Variants in RHOJ observed in about 807,000 individuals in gnomAD.
RHOJ encodes the protein rho-related GTP-binding protein RhoJ.
Under a neutral mutation model 23.4 loss-of-function variants are expected in RHOJ, and 11 were observed. The ratio of observed to expected loss-of-function variants is 0.47; its 90% CI spans 0.30 to 0.78. The LOEUF (loss-of-function observed/expected upper bound fraction) is 0.78. Among genes scored for constraint, RHOJ ranks in the 30% least tolerant of loss-of-function variants. RHOJ has a pLI of 0.08. For synonymous variants in RHOJ, 102 were observed against 102.7 expected (o/e 0.99, Z 0.04); for missense variants, 254 against 273.4 (o/e 0.93, Z 0.50).
chr14:63,250,199 C>G (rs1361346941), intron 1 of RHOJ, among the ~76,000 whole-genome samples: 3 of 152,108 alleles, frequency 2.0e-5, no homozygotes, highest in Non-Finnish European at 4.4e-5. Context: ...TCTGCTTACT[C>G]CCCTCATTCA....
At chr14:63,281,212 A>G (rs1881889715) in intron 3 of RHOJ, 77 bp downstream of exon 3, 2 of 1,393,184 alleles carry the variant, frequency 1.4e-6, no homozygotes, top group Non-Finnish European at 9.8e-7. Context: ...TGAACATCCT[A>G]TTCTGCCAAA....
chr14:63,291,142 C>T lies in RHOJ; in HGVS notation c.*118C>T. On this transcript the variant is annotated 3_prime_UTR_variant, in exon 5 of 5. Coordinates refer to ENST00000316754, the MANE Select transcript of RHOJ (RefSeq NM_020663.5). The stretch of plus-strand genomic sequence containing the variant: ...GAAAGGAACTCCCTTTGCACGGAGG[C>T]TTGCCCCATCACCCTCTGAGCCCTC... 1.7e-6 allele frequency: 2 copies of T among 1,176,788 alleles called. No homozygotes were observed. Among genetic ancestry groups the T allele is most frequent in the Non-Finnish European group, 2.5e-6 (2 of 805,224 alleles). The allele number at this position is 1,176,788 out of a possible 1,614,324, so 72.9% of individuals were successfully genotyped here.
At chr14:63,233,151 G>GA (rs1001748986) in intron 1 of RHOJ, among the ~76,000 whole-genome samples, 2 of 151,704 alleles carry the variant, frequency 1.3e-5, no homozygotes, top group Non-Finnish European at 2.9e-5. Context: ...GCTTGGGAAT[G>GA]AAAAAAAAGA....
At chr14:63,264,069 G>A (rs1011088356) in intron 1 of RHOJ, among the ~76,000 whole-genome samples, 1 of 151,982 alleles carries the variant, frequency 6.6e-6, no homozygotes, top group Non-Finnish European at 1.5e-5. Context: ...ATGACACTGA[G>A]GTTTGGGGTG....
Position 63,290,860 on chromosome 14 carries a change from C to G in RHOJ, c.499-18C>G. ...TCTCTTTTTTATCTCTCATGCCTTT[C>G]TCTCTTTTGTGTTTAAGATCGGAGC... On this transcript the variant is annotated intron_variant, in intron 4 of 4. Transcript: ENST00000316754. 1 of 1,594,990 alleles carries G rather than the reference C, an allele frequency of 6.3e-7. No individual in the cohort carries two copies. Among genetic ancestry groups the G allele is most frequent in the African/African-American group, 1.3e-5 (1 of 74,124 alleles).
intron 1 of RHOJ, among the ~76,000 whole-genome samples, chr14:63,226,568 A>G (rs549422662): frequency 6.6e-6 from 1 of 150,436 alleles, no homozygotes; most frequent in Non-Finnish European, 1.5e-5. Flanking sequence ...AAATATGAAT[A>G]TAATACATAA....
At chr14:63,242,700 A>G (rs1263969199) in intron 1 of RHOJ, among the ~76,000 whole-genome samples, 1 of 152,202 alleles carries the variant, frequency 6.6e-6, no homozygotes, top group Non-Finnish European at 1.5e-5. Context: ...GACAATCACC[A>G]TAAGTTTCTT....
At chr14:63,252,945 G>T (rs1895097670) in intron 1 of RHOJ, among the ~76,000 whole-genome samples, 1 of 152,160 alleles carries the variant, frequency 6.6e-6, no homozygotes, top group Non-Finnish European at 1.5e-5. Flanking sequence ...ACATGAAGAT[G>T]AGATCATTTC....
chr14:63,290,114 A>G (rs58476414), intron 4 of RHOJ, among the ~76,000 whole-genome samples: 7,621 of 152,118 alleles, frequency 0.05, 632 homozygotes, highest in African/African-American at 0.17. Flanking sequence ...TTGGTGGCAC[A>G]CGCCTGTAAT....
intron 1 of RHOJ, among the ~76,000 whole-genome samples, chr14:63,225,381 AAG>A (rs1894574514): frequency 6.6e-6 from 1 of 152,174 alleles, no homozygotes; most frequent in Non-Finnish European, 1.5e-5. Context: ...AAAGAAAACA[AAG>A]CCATTTATAA....
intron 1 of RHOJ, among the ~76,000 whole-genome samples, chr14:63,258,678 T>C (rs1394097803): frequency 6.6e-6 from 1 of 152,104 alleles, no homozygotes; most frequent in Non-Finnish European, 1.5e-5. Context: ...GACTAAACCC[T>C]TTACACAGGC....
In RHOJ at chr14:63,210,752, A is replaced by G. The variant is rs534531246; in HGVS notation, c.178+5705A>G. Among the ~76,000 whole-genome samples, 25 of 152,330 alleles carry G rather than the reference A, an allele frequency of 1.6e-4. 1 individual carries two copies. The highest frequency in any genetic ancestry group is 5.8e-4 in the African/African-American group (24 of 41,574). The stretch of plus-strand genomic sequence containing the variant: ...AGGATAAGAGCTCCATTTTGAATTT[A>G]GATTGTATGTTGAGTTAGATTGTGT... On this transcript the variant is annotated intron_variant, in intron 1 of 4. Transcript: ENST00000316754.
chr14:63,292,756 C>G lies in RHOJ; in HGVS notation c.*1732C>G, dbSNP rs995449526. ...TTGAGCTCAGGAGTTCAAGACCAGC[C>G]TGGGTAATATAGTGAGATCCTGTGT... On this transcript the variant is annotated 3_prime_UTR_variant, in exon 5 of 5. Transcript: ENST00000316754. 2 of 151,952 alleles carry G rather than the reference C, an allele frequency of 1.3e-5. No individual in the cohort carries two copies. Among genetic ancestry groups the G allele is most frequent in the Non-Finnish European group, 2.9e-5 (2 of 68,024 alleles). The allele number at this position is 151,952 out of a possible 1,614,324, so 9.4% of individuals were successfully genotyped here.
At chr14:63,234,006 C>T (rs17824395) in intron 1 of RHOJ, among the ~76,000 whole-genome samples, 9,196 of 152,310 alleles carry the variant, frequency 0.06, 334 homozygotes, top group East Asian at 0.17. Context: ...GGGATTGGGC[C>T]GCACTGCACT....
intron 2 of RHOJ, among the ~76,000 whole-genome samples, chr14:63,280,703 T>C (rs1372384778): frequency 1.3e-5 from 2 of 152,202 alleles, no homozygotes; most frequent in African/African-American, 4.8e-5. Flanking sequence ...TAGGTAGGTA[T>C]ATAAGTTATA....
chr14:63,258,411 A>G (rs1040086831), intron 1 of RHOJ, among the ~76,000 whole-genome samples: 1 of 151,442 alleles, frequency 6.6e-6, no homozygotes, highest in Admixed American at 6.6e-5. Flanking sequence ...GGTTAGTATA[A>G]TAAGAGAGTT....
At chr14:63,286,087 A>G (rs1373940187) in intron 4 of RHOJ, among the ~76,000 whole-genome samples, 1 of 152,198 alleles carries the variant, frequency 6.6e-6, no homozygotes, top group African/African-American at 2.4e-5. Context: ...AAATTGCTGC[A>G]AACACCCTGT....
rs1164786785 is a variant in RHOJ at position 63,257,097 on chromosome 14, G to T, written c.179-12013G>T. On this transcript the variant is annotated intron_variant, in intron 1 of 4. Coordinates refer to ENST00000316754, the MANE Select transcript of RHOJ (RefSeq NM_020663.5). ...AAAAAAAAAAGAAAAAATTAGCCAG[G>T]CATGGTGGCACATGCCTGTAGTCCC... Among the ~76,000 whole-genome samples the T allele has an allele frequency of 2.0e-5, 3 of 148,116 alleles. No individual in the cohort carries two copies. The East Asian group carries it at 6.4e-4, about 32-fold the overall frequency.
chr14:63,219,480 C>A (rs1894437085), intron 1 of RHOJ, among the ~76,000 whole-genome samples: 1 of 151,674 alleles, frequency 6.6e-6, no homozygotes, highest in Non-Finnish European at 1.5e-5. Context: ...CCTTCTACTT[C>A]TTTTTTAAAG....
Sources: allele counts gnomAD v4.1 joint callset (sites outside exome capture counted in the v4.1 genomes callset), GRCh38; gene constraint gnomAD v4.1.1; transcripts MANE v1.5; gene names NCBI Gene and HGNC (gene_info 2026-07-23, HGNC 2026-07-21).